Variants in ERFL observed in about 807,000 individuals in gnomAD.
ERFL encodes the protein ETS domain-containing transcription factor ERF-like.
Under a neutral mutation model 27.9 loss-of-function variants are expected in ERFL, and 8 were observed. That is an observed-to-expected ratio of 0.29 (90% CI 0.17 to 0.52). ERFL has a LOEUF of 0.52. ERFL is among the 20% of genes least tolerant of loss of function. The pLI is 0.97. For missense variants in ERFL, 294 were observed against 444.4 expected (o/e 0.66, Z 3.04); for synonymous variants, 174 against 202.8 (o/e 0.86, Z 1.21).
rs1326237664 is a variant in ERFL at position 41,926,763 on chromosome 19, C to T, written c.-14+1277G>A. 2.6e-5 allele frequency among the ~76,000 whole-genome samples: 4 copies of T among 152,292 alleles called. No homozygotes were observed. In the South Asian group the frequency reaches 6.2e-4, roughly 24 times the overall value. On this transcript the variant is annotated intron_variant, in intron 1 of 5. Coordinates refer to ENST00000597630, the MANE Select transcript of ERFL (RefSeq NM_001365103.2). ...GTTTAGCCGTGATAGATCCGCGCGC[C>T]GCTTGTCTCTTAATCTCCAGAGCGA... is the stretch of plus-strand genomic sequence containing the variant.
Position 41,912,843 on chromosome 19 carries a change from G to A in ERFL, c.67+10C>T. The A allele has an allele frequency of 8.4e-7, 1 of 1,192,100 alleles. No individual in the cohort carries two copies. Among genetic ancestry groups the A allele is most frequent in the Non-Finnish European group, 1.1e-6 (1 of 951,776 alleles). The allele number at this position is 1,192,100 out of a possible 1,614,324, so 73.8% of individuals were successfully genotyped here. A position where few individuals can be genotyped will look rare whatever the true frequency, so the allele number is the denominator to read the frequency against. ...TGGGGGAAGGGGTGGGGGAGGTCCG[G>A]GCCAGTTACCGGGGGTCCAGAGAGC... On this transcript the variant is annotated intron_variant, in intron 2 of 5. Coordinates refer to ENST00000597630, the MANE Select transcript of ERFL (RefSeq NM_001365103.2).
rs368026299 is a variant in ERFL at position 41,918,828 on chromosome 19, C to T, written c.-13-5896G>A. On this transcript the variant is annotated intron_variant, in intron 1 of 5. Coordinates refer to ENST00000597630, the MANE Select transcript of ERFL (RefSeq NM_001365103.2). ...ACACACACCACATCACTCTCACATA[C>T]GCCACACATGCTACACTACCCATCA... Among the ~76,000 whole-genome samples, 78 of 149,994 alleles carry T rather than the reference C, an allele frequency of 5.2e-4. 1 individual carries two copies. Among genetic ancestry groups the T allele is most frequent in the African/African-American group, 1.6e-3 (65 of 40,718 alleles).
rs1350122124 is a variant in ERFL at position 41,909,517 on chromosome 19, G to C, written c.303-46C>G. ...TTGGGGAGGTGCAGGGGGAGCCCTG[G>C]GGCGGGATCTGGGGTTTCTTAATGC... On this transcript the variant is annotated intron_variant, in intron 3 of 5. Coordinates refer to ENST00000597630, the MANE Select transcript of ERFL (RefSeq NM_001365103.2). This position sits in a 1 kb window ranked among gnomAD's most constrained non-coding sequence, Gnocchi z 5.2. The C allele has an allele frequency of 1.6e-6, 2 of 1,241,902 alleles. No homozygotes were observed. Among genetic ancestry groups the C allele is most frequent in the Non-Finnish European group, 2.0e-6 (2 of 988,348 alleles). 76.9% of individuals were successfully genotyped at this position (1,241,902 alleles called of 1,614,324 possible). A position where few individuals can be genotyped will look rare whatever the true frequency, so the allele number is the denominator to read the frequency against.
intron 1 of ERFL, among the ~76,000 whole-genome samples, chr19:41,914,541 C>T (rs943326442): frequency 1.9e-4 from 27 of 139,902 alleles, no homozygotes; most frequent in South Asian, 7.0e-4. Context: ...CTCTGCTATC[C>T]GTCTTTCCCT....
At chr19:41,925,832 G>C (rs1232479227) in intron 1 of ERFL, among the ~76,000 whole-genome samples, 2 of 152,158 alleles carry the variant, frequency 1.3e-5, no homozygotes, top group African/African-American at 2.4e-5. Context: ...GGAAGGGCAG[G>C]TGTTGGGGTG....
chr19:41,926,323 G>C (rs1328848485), intron 1 of ERFL, among the ~76,000 whole-genome samples: 3 of 152,110 alleles, frequency 2.0e-5, no homozygotes, highest in Non-Finnish European at 4.4e-5. Context: ...GGCAGATGAA[G>C]GGAACAGGTA....
intron 1 of ERFL, among the ~76,000 whole-genome samples, chr19:41,914,967 TCC>T: frequency 1.8e-5 from 1 of 56,870 alleles, no homozygotes; most frequent in South Asian, 7.0e-4. Context: ...TCTCTGTCTC[TCC>T]CTCCCTCCCC....
intron 1 of ERFL, chr19:41,923,312 G>C: frequency 2.6e-6 from 1 of 384,620 alleles, no homozygotes; most frequent in Non-Finnish European, 5.2e-6. Context: ...GGAGGAAAGA[G>C]ACAAGACAAG....
chr19:41,919,511 G>GTA (rs1178046462), intron 1 of ERFL, among the ~76,000 whole-genome samples: 5 of 122,562 alleles, frequency 4.1e-5, no homozygotes, highest in Non-Finnish European at 7.6e-5. Context: ...ACGTGCACGC[G>GTA]TACACACACA....
At chr19:41,922,844 G>A (rs377572915) in intron 1 of ERFL, among the ~76,000 whole-genome samples, 13 of 152,330 alleles carry the variant, frequency 8.5e-5, no homozygotes, top group Non-Finnish European at 1.5e-4. Flanking sequence ...CCTGGCCCGC[G>A]CACTGCCGCC....
rs137911544 is a variant in ERFL at position 41,916,417 on chromosome 19, T to TCACA, written c.-13-3489_-13-3486dup. Reference sequence around the variant, plus strand: ...AAGTCACACACCAACACTGTCACAGTCACACACACACACATCAGCATAGTC... The same window carrying TCACA: ...AAGTCACACACCAACACTGTCACAGTCACACACACACACACACATCAGCATAGTC... On this transcript the variant is annotated intron_variant, in intron 1 of 5. Coordinates refer to ENST00000597630, the MANE Select transcript of ERFL (RefSeq NM_001365103.2). This position sits in a 1 kb window ranked among gnomAD's most constrained non-coding sequence, Gnocchi z 5.4. 6.6e-6 allele frequency among the ~76,000 whole-genome samples: 1 copy of TCACA among 151,094 alleles called. No homozygotes were observed. Among genetic ancestry groups the TCACA allele is most frequent in the Non-Finnish European group, 1.5e-5 (1 of 67,722 alleles).
chr19:41,922,031 C>T (rs782487826), intron 1 of ERFL, among the ~76,000 whole-genome samples: 8 of 152,040 alleles, frequency 5.3e-5, no homozygotes, highest in Non-Finnish European at 8.8e-5. Context: ...CATCGGGCCC[C>T]ACCCCTCTAT....
rs2074775480 is a variant in ERFL, at chr19:41,914,546, T to TCCCTCCCTTTCCACCATCTCTGTCTC, written c.-13-1615_-13-1614insGAGACAGAGATGGTGGAAAGGGAGGG. Among the ~76,000 whole-genome samples, 41 of 118,450 alleles carry TCCCTCCCTTTCCACCATCTCTGTCTC rather than the reference T, an allele frequency of 3.5e-4. 3 individuals carry two copies. The highest frequency in any genetic ancestry group is 4.3e-3 in the Middle Eastern group (1 of 234). The allele number at this position is 118,450 out of a possible 152,430, so 77.7% of individuals were successfully genotyped here. On this transcript the variant is annotated intron_variant, in intron 1 of 5. Coordinates refer to ENST00000597630, the MANE Select transcript of ERFL (RefSeq NM_001365103.2). ...TTCTCCCCATCTCTGCTATCCGTCTTTCCCTCCCCTTCCACCATCTCTGTC... is the reference window on the plus strand; with the variant it reads ...TTCTCCCCATCTCTGCTATCCGTCTTCCCTCCCTTTCCACCATCTCTGTCTCTCCCTCCCCTTCCACCATCTCTGTC...
chr19:41,913,666 C>G (rs975942458), intron 1 of ERFL, among the ~76,000 whole-genome samples: 2 of 151,694 alleles, frequency 1.3e-5, no homozygotes, highest in East Asian at 1.9e-4. Context: ...ACCCCTTCCC[C>G]TCACATCTGC....
intron 1 of ERFL, among the ~76,000 whole-genome samples, chr19:41,925,633 G>A (rs567765059): frequency 5.9e-5 from 9 of 152,202 alleles, no homozygotes; most frequent in African/African-American, 2.2e-4. Context: ...ATCAGGTGGT[G>A]CTTGGGGTTA....
In ERFL at chr19:41,911,752, G is replaced by A. The variant is rs371210028; in HGVS notation, c.67+1101C>T. ...CACAGACACACCCACAGGACCCCAAGGTGACAAGAGGACACCCAACCCGAT... is the reference window on the plus strand; with the variant it reads ...CACAGACACACCCACAGGACCCCAAAGTGACAAGAGGACACCCAACCCGAT... On this transcript the variant is annotated intron_variant, in intron 2 of 5. Transcript: ENST00000597630. Among the ~76,000 whole-genome samples the A allele has an allele frequency of 1.1e-4, 17 of 152,222 alleles. No homozygotes were observed. In the East Asian group the frequency reaches 2.1e-3, roughly 19 times the overall value.
chr19:41,921,518 C>G lies in ERFL; in HGVS notation c.-14+6522G>C, dbSNP rs1356544262. Among the ~76,000 whole-genome samples the G allele has an allele frequency of 6.6e-6, 1 of 151,798 alleles. No individual in the cohort carries two copies. The highest frequency in any genetic ancestry group is 1.5e-5 in the Non-Finnish European group (1 of 68,002). On this transcript the variant is annotated intron_variant, in intron 1 of 5. Transcript: ENST00000597630. This position sits in a 1 kb window ranked among gnomAD's most constrained non-coding sequence, Gnocchi z 4.4. ...AGAGAGACAGAGACAGAGAGACAGG[C>G]AGGGGGAGATCCGAGGTGGGGAAAC...
intron 1 of ERFL, among the ~76,000 whole-genome samples, chr19:41,919,161 C>A (rs1296664186): frequency 6.6e-6 from 1 of 151,958 alleles, no homozygotes; most frequent in African/African-American, 2.4e-5. Flanking sequence ...ACACCACTCG[C>A]AGCTTACTAC....
rs2074804632 is a variant in ERFL at position 41,916,843 on chromosome 19, G to A, written c.-13-3911C>T. Among the ~76,000 whole-genome samples the A allele has an allele frequency of 6.6e-6, 1 of 151,564 alleles. No homozygotes were observed. The highest frequency in any genetic ancestry group is 2.1e-4 in the South Asian group (1 of 4,792). ...AGATCACGGACCCAAACATACGACC[G>A]ACAGCGGCCCCTGCAGAGGTACACA... On this transcript the variant is annotated intron_variant, in intron 1 of 5. Coordinates refer to ENST00000597630, the MANE Select transcript of ERFL (RefSeq NM_001365103.2). The surrounding 1 kb of genome is among the most constrained non-coding windows in gnomAD (Gnocchi z 5.4).
Sources: allele counts gnomAD v4.1 joint callset (sites outside exome capture counted in the v4.1 genomes callset), GRCh38; gene constraint gnomAD v4.1.1; non-coding constraint Gnocchi (gnomAD v3.1); transcripts MANE v1.5; gene names NCBI Gene and HGNC (gene_info 2026-07-23, HGNC 2026-07-21).